RIMKLB: variants seen among roughly 807,000 people sequenced by gnomAD.
RIMKLB encodes ribosomal modification protein rimK like family member B.
A neutral mutation model predicts 32.0 loss-of-function variants in RIMKLB; 7 were observed. The observed-to-expected ratio is 0.22, with a 90% CI of 0.12 to 0.41. The LOEUF (loss-of-function observed/expected upper bound fraction) is 0.41. RIMKLB is among the 10% of genes least tolerant of loss of function. The probability of loss-of-function intolerance (pLI) is 1.00; values close to 1 mark genes in which losing one functional copy is unlikely to be tolerated. For synonymous variants in RIMKLB, 172 were observed against 185.1 expected, an observed-to-expected ratio of 0.93 and a Z score of 0.57; for missense variants, 289 against 498.7, an observed-to-expected ratio of 0.58 and a Z score of 4.00.
intron 5 of RIMKLB, among the ~76,000 whole-genome samples, chr12:8,769,967 A>G (rs752334966): frequency 6.6e-6 from 1 of 151,324 alleles, no homozygotes; most frequent in African/African-American, 2.4e-5. Flanking sequence ...TGTTGTAGCA[A>G]TAATTTTTTT....
At chr12:8,731,714 T>C (rs1030978564) in intron 2 of RIMKLB, among the ~76,000 whole-genome samples, 26 of 152,332 alleles carry the variant, frequency 1.7e-4, no homozygotes, top group African/African-American at 6.0e-4. Context: ...CTTATATATG[T>C]AGAATAGTCT....
At chr12:8,670,661 G>A in the RIMKLB span, among the ~76,000 whole-genome samples, 4 of 152,198 alleles carry the variant, frequency 2.6e-5, no homozygotes, top group African/African-American at 4.8e-5. Context: ...AGCTGCTGGC[G>A]GATCTACCAT....
intron 1 of RIMKLB, among the ~76,000 whole-genome samples, chr12:8,712,398 G>A (rs1282093716): frequency 6.6e-6 from 1 of 152,080 alleles, no homozygotes; most frequent in African/African-American, 2.4e-5. Context: ...GGTGACAAGA[G>A]TGAAACTCTA....
At chr12:8,769,183 G>C in intron 5 of RIMKLB, among the ~76,000 whole-genome samples, 1 of 151,810 alleles carries the variant, frequency 6.6e-6, no homozygotes, top group Non-Finnish European at 1.5e-5. Flanking sequence ...CCTCAAAGTA[G>C]TTAATATTCT....
intron 2 of RIMKLB, among the ~76,000 whole-genome samples, chr12:8,719,056 C>G (rs925171254): frequency 6.6e-6 from 1 of 152,004 alleles, no homozygotes; most frequent in African/African-American, 2.4e-5. Context: ...CCTGTTCATC[C>G]TCCTCCTTCC....
chr12:8,687,592 T>G (rs1197979486), intron 1 of RIMKLB, among the ~76,000 whole-genome samples: 1 of 152,162 alleles, frequency 6.6e-6, no homozygotes, highest in African/African-American at 2.4e-5. Context: ...CAAGTTGCCC[T>G]GGACAAAATG....
At chr12:8,765,000 C>A (rs760769961) in intron 5 of RIMKLB, among the ~76,000 whole-genome samples, 1 of 150,452 alleles carries the variant, frequency 6.6e-6, no homozygotes. Flanking sequence ...TATAAAAAAC[C>A]GAGATTGCCA....
In RIMKLB at chr12:8,775,220, G is replaced by C. The variant is rs1950663153; in HGVS notation, c.*1436G>C. 1.0e-6 allele frequency: 1 copy of C among 985,658 alleles called. No individual in the cohort carries two copies. The highest frequency in any genetic ancestry group is 1.7e-5 in the African/African-American group (1 of 57,302). 61.1% of individuals were successfully genotyped at this position (985,658 alleles called of 1,614,324 possible). On this transcript the variant is annotated 3_prime_UTR_variant, in exon 6 of 6. Transcript: ENST00000535829. ...TTTTTACATATAGGATTTGGGATTGGGGGTGGGTTGGATGTTTTTGTTTGG... is the reference window on the plus strand; with the variant it reads ...TTTTTACATATAGGATTTGGGATTGCGGGTGGGTTGGATGTTTTTGTTTGG...
chr12:8,764,210 T>G (rs1460268614), intron 5 of RIMKLB, among the ~76,000 whole-genome samples: 1 of 152,142 alleles, frequency 6.6e-6, no homozygotes, highest in Non-Finnish European at 1.5e-5. Context: ...GTACTTCCTT[T>G]GGCAGGGAAA....
chr12:8,677,494 G>A (rs1942350000), upstream of RIMKLB, among the ~76,000 whole-genome samples: 1 of 152,028 alleles, frequency 6.6e-6, no homozygotes, highest in Non-Finnish European at 1.5e-5. Flanking sequence ...GCTCTGTTCA[G>A]TCATTACTCT....
rs774936688 is a variant in RIMKLB at position 8,774,453 on chromosome 12, C to G, written c.*669C>G. ...TGGAAATGAACAGTATTGCAATGTCCGGTATACAAAATAACATTAATTCAA... is the reference window on the plus strand; with the variant it reads ...TGGAAATGAACAGTATTGCAATGTCGGGTATACAAAATAACATTAATTCAA... On this transcript the variant is annotated 3_prime_UTR_variant, in exon 6 of 6. Transcript: ENST00000535829. 328 of 984,986 alleles carry G rather than the reference C, an allele frequency of 3.3e-4. No individual in the cohort carries two copies. Among genetic ancestry groups the G allele is most frequent in the Admixed American group, 8.0e-4 (13 of 16,226 alleles). The allele number at this position is 984,986 out of a possible 1,614,324, so 61.0% of individuals were successfully genotyped here.
downstream of RIMKLB, chr12:8,777,623 A>C: frequency 2.3e-6 from 3 of 1,289,224 alleles, no homozygotes; most frequent in Non-Finnish European, 2.0e-6. Context: ...AATACAAACA[A>C]ACAAAAAAAT....
chr12:8,676,644 C>A (rs1942344744), upstream of RIMKLB, among the ~76,000 whole-genome samples: 1 of 151,846 alleles, frequency 6.6e-6, no homozygotes, highest in African/African-American at 2.4e-5. Context: ...AGTGGTCCAC[C>A]CGCCTCGGCT....
At chr12:8,732,359 C>T (rs1946621008) in intron 2 of RIMKLB, among the ~76,000 whole-genome samples, 1 of 152,046 alleles carries the variant, frequency 6.6e-6, no homozygotes, top group Non-Finnish European at 1.5e-5. Flanking sequence ...CTCTTCTGCC[C>T]TTTGTAATAT....
chr12:8,682,334 A>G (rs1427989482), intron 1 of RIMKLB, among the ~76,000 whole-genome samples: 1 of 152,158 alleles, frequency 6.6e-6, no homozygotes, highest in East Asian at 1.9e-4. Flanking sequence ...TCATGTAGCA[A>G]GAATATTGAA....
intron 2 of RIMKLB, among the ~76,000 whole-genome samples, chr12:8,723,812 T>TTTC (rs1555158734): frequency 7.2e-6 from 1 of 138,414 alleles, no homozygotes; most frequent in African/African-American, 2.7e-5. Context: ...CCCTTTTTTT[T>TTTC]TTTTTTTTTT....
intron 5 of RIMKLB, among the ~76,000 whole-genome samples, chr12:8,760,124 G>A (rs948570324): frequency 6.6e-6 from 1 of 151,818 alleles, no homozygotes; most frequent in Non-Finnish European, 1.5e-5. Flanking sequence ...GCCCCCGTGT[G>A]TGATGATCCC....
At chr12:8,731,552 C>G (rs759635000) in intron 2 of RIMKLB, among the ~76,000 whole-genome samples, 9 of 151,892 alleles carry the variant, frequency 5.9e-5, no homozygotes, top group Non-Finnish European at 1.2e-4. Context: ...TCTTTAAGCT[C>G]TGGTCAGCAA....
the RIMKLB span, among the ~76,000 whole-genome samples, chr12:8,673,390 T>C: frequency 6.6e-6 from 1 of 152,110 alleles, no homozygotes; most frequent in African/African-American, 2.4e-5. Context: ...ACCAAAAACT[T>C]AGTGACTAAA....
Sources: gnomAD v4.1 joint callset for allele counts (sites outside exome capture counted in the v4.1 genomes callset) on GRCh38, gnomAD v4.1.1 for gene constraint, MANE v1.5 for transcripts, NCBI Gene and HGNC (gene_info 2026-07-23, HGNC 2026-07-21) for gene names.